TRIM72: variants seen among roughly 807,000 people sequenced by gnomAD.
TRIM72 encodes the protein tripartite motif-containing protein 72.
Under a neutral mutation model 31.6 loss-of-function variants are expected in TRIM72, and 33 were observed. The ratio of observed to expected loss-of-function variants is 1.04; its 90% CI spans 0.79 to 1.40. TRIM72 has a LOEUF of 1.40. Ranked by LOEUF, TRIM72 falls within the 40% of genes most tolerant of loss-of-function variation. The pLI, the probability that TRIM72 is intolerant of heterozygous loss-of-function variation, is 0.00. For synonymous variants in TRIM72, 301 were observed against 314.4 expected, an observed-to-expected ratio of 0.96 and a Z score of 0.45; for missense variants, 666 against 682.7, an observed-to-expected ratio of 0.98 and a Z score of 0.27.
Position 31,219,159 on chromosome 16 carries a change from C to T in TRIM72, c.455C>T (p.Ala152Val). The change falls in exon 3 of 7, where the codon GCT becomes GTT. Residue 152 changes from alanine to valine, a missense_variant. Coordinates refer to ENST00000322122, the MANE Select transcript of TRIM72 (RefSeq NM_001008274.4). The surrounding 1 kb of genome is among the most constrained non-coding windows in gnomAD (Gnocchi z 4.2). ...EACMRKEKSV[A>V]VLEHQLVEVE... Reference sequence around the variant, plus strand: ...TGCATGCGCAAGGAGAAGAGTGTGGCTGTGCTGGAGCATCAGCTGGTGGAG... The same window carrying T: ...TGCATGCGCAAGGAGAAGAGTGTGGTTGTGCTGGAGCATCAGCTGGTGGAG... 2 of 1,610,322 alleles carry T rather than the reference C, an allele frequency of 1.2e-6. No homozygotes were observed. The highest frequency in any genetic ancestry group is 1.7e-6 in the Non-Finnish European group (2 of 1,178,334).
At chr16:31,223,337 G>C (rs2079542049) in intron 6 of TRIM72, among the ~76,000 whole-genome samples, 1 of 152,196 alleles carries the variant, frequency 6.6e-6, no homozygotes, top group Non-Finnish European at 1.5e-5. Context: ...GGGTCAGAGA[G>C]TGACTCTGGC....
rs200154767 is a variant in TRIM72 at position 31,215,044 on chromosome 16, G to A, written c.306G>A (p.Ala102=). 45 of 1,503,146 alleles carry A rather than the reference G, an allele frequency of 3.0e-5. No homozygotes were observed. The Admixed American group carries it at 8.2e-4, about 27-fold the overall frequency. The allele number at this position is 1,503,146 out of a possible 1,614,324, so 93.1% of individuals were successfully genotyped here. A position where few individuals can be genotyped will look rare whatever the true frequency, so the allele number is the denominator to read the frequency against. Residue 102 remains alanine (A), a synonymous_variant, in exon 2 of 7, where the codon GCG becomes GCA. Transcript: ENST00000322122. The surrounding 1 kb of genome is among the most constrained non-coding windows in gnomAD (Gnocchi z 6.3). ...PLSIYCEQDR[A]LVCGVCASLG... ...GCATCTACTGCGAGCAGGACCGCGC[G>A]CTGGTGTGCGGAGTGTGCGCCTCAC... is the stretch of plus-strand genomic sequence containing the variant.
rs140681493 is a variant in TRIM72 at position 31,216,684 on chromosome 16, C to A, written c.390+1556C>A. 48 of 1,513,016 alleles carry A rather than the reference C, an allele frequency of 3.2e-5. No homozygotes were observed. Among genetic ancestry groups the A allele is most frequent in the African/African-American group, 4.1e-5 (3 of 73,218 alleles). 93.7% of individuals were successfully genotyped at this position (1,513,016 alleles called of 1,614,324 possible). A position where few individuals can be genotyped will look rare whatever the true frequency, so the allele number is the denominator to read the frequency against. On this transcript the variant is annotated intron_variant, in intron 2 of 6. Coordinates refer to ENST00000322122, the MANE Select transcript of TRIM72 (RefSeq NM_001008274.4). The surrounding 1 kb of genome is among the most constrained non-coding windows in gnomAD (Gnocchi z 6.7). ...AGGAGGGGAACAGGAAGGCTCTGGGCGGGACCTGACGCGTGGGTCCTTGGC... is the reference window on the plus strand; with the variant it reads ...AGGAGGGGAACAGGAAGGCTCTGGGAGGGACCTGACGCGTGGGTCCTTGGC...
chr16:31,222,188 T>C (rs970796466), intron 5 of TRIM72, among the ~76,000 whole-genome samples: 2 of 152,006 alleles, frequency 1.3e-5, no homozygotes, highest in African/African-American at 4.8e-5. Context: ...AGGTCAGCAG[T>C]TCGAGACTAG....
At chr16:31,217,597 T>C in intron 2 of TRIM72, among the ~76,000 whole-genome samples, 1 of 151,570 alleles carries the variant, frequency 6.6e-6, no homozygotes. Flanking sequence ...CACAGAATGG[T>C]TGGTCTGTGC....
chr16:31,222,820 C>T lies in TRIM72; in HGVS notation c.741-7C>T, dbSNP rs750271106. The T allele has an allele frequency of 1.6e-6, 2 of 1,241,446 alleles. No individual in the cohort carries two copies. The highest frequency in any genetic ancestry group is 1.4e-5 in the South Asian group (1 of 69,266). 76.9% of individuals were successfully genotyped at this position (1,241,446 alleles called of 1,614,324 possible). A position where few individuals can be genotyped will look rare whatever the true frequency, so the allele number is the denominator to read the frequency against. ...CACATGCCTCCCCTTCCCCTCCCCA[C>T]CCCCAGGCTGCAGAAGATCCTGGCA... On this transcript the variant is annotated splice_region_variant and splice_polypyrimidine_tract_variant and intron_variant, in intron 5 of 6. Coordinates refer to ENST00000322122, the MANE Select transcript of TRIM72 (RefSeq NM_001008274.4).
Position 31,230,124 on chromosome 16 carries a change from T to A in TRIM72, c.*5369T>A, listed in dbSNP as rs1422163929. ...AAGAATGTGTAAGCAAAAACTCAGT[T>A]GTATGTAAGAAAACCCCATTCACCC... On this transcript the variant is annotated 3_prime_UTR_variant, in exon 7 of 7. Transcript: ENST00000322122. 1.3e-5 allele frequency: 2 copies of A among 152,038 alleles called. No individual in the cohort carries two copies. Among genetic ancestry groups the A allele is most frequent in the African/African-American group, 4.8e-5 (2 of 41,412 alleles). The allele number at this position is 152,038 out of a possible 1,614,324, so 9.4% of individuals were successfully genotyped here. A position where few individuals can be genotyped will look rare whatever the true frequency, so the allele number is the denominator to read the frequency against.
chr16:31,216,644 C>T lies in TRIM72; in HGVS notation c.390+1516C>T. The T allele has an allele frequency of 7.6e-7, 1 of 1,320,382 alleles. No homozygotes were observed. The highest frequency in any genetic ancestry group is 1.0e-6 in the Non-Finnish European group (1 of 962,978). 81.8% of individuals were successfully genotyped at this position (1,320,382 alleles called of 1,614,324 possible). On this transcript the variant is annotated intron_variant, in intron 2 of 6. Transcript: ENST00000322122. The surrounding 1 kb of genome is among the most constrained non-coding windows in gnomAD (Gnocchi z 6.7). ...TGGCCGGAGGTCTGAGGGAGGACCC[C>T]AGGAGGGACCCTGAAGGAGGGGAAC...
rs2079551484 is a variant in TRIM72 at position 31,225,219 on chromosome 16, A to G, written c.*464A>G. 1 of 148,808 alleles carries G rather than the reference A, an allele frequency of 6.7e-6. No individual in the cohort carries two copies. The highest frequency in any genetic ancestry group is 2.5e-5 in the African/African-American group (1 of 40,390). The allele number at this position is 148,808 out of a possible 1,614,324, so 9.2% of individuals were successfully genotyped here. On this transcript the variant is annotated 3_prime_UTR_variant, in exon 7 of 7. Transcript: ENST00000322122. ...AAAAAAAAAAAGTGTGGGGGTTGGC[A>G]TGGCCTGGGGACTGCTGGTGAGGGG...
Position 31,216,850 on chromosome 16 carries a change from T to TA in TRIM72, c.390+1723dup. 6.2e-7 allele frequency: 1 copy of TA among 1,613,790 alleles called. No homozygotes were observed. The highest frequency in any genetic ancestry group is 8.5e-7 in the Non-Finnish European group (1 of 1,179,958). ...GAGCTCGGCTGCGTAGTCCTCGTAG[T>TA]AGGAGGCGACCAGCTTGTCGGTGAG... is the stretch of plus-strand genomic sequence containing the variant. On this transcript the variant is annotated intron_variant, in intron 2 of 6. Transcript: ENST00000322122. The surrounding 1 kb of genome is among the most constrained non-coding windows in gnomAD (Gnocchi z 6.7).
In TRIM72 at chr16:31,224,677, C is replaced by T. The variant is rs1301493787; in HGVS notation, c.1356C>T (p.Phe452=). The part of the protein sequence containing the change: ...HERLPRPVYP[F]FDVCWHDKGK... ...GCCTGCCCAGGCCCGTGTACCCCTT[C>T]TTCGACGTGTGCTGGCACGACAAGG... is the stretch of plus-strand genomic sequence containing the variant. Residue 452 remains phenylalanine (F), a synonymous_variant, in exon 7 of 7, where the codon TTC becomes TTT. Transcript: ENST00000322122. The T allele has an allele frequency of 6.4e-7, 1 of 1,550,514 alleles. No individual in the cohort carries two copies. Among genetic ancestry groups the T allele is most frequent in the East Asian group, 2.4e-5 (1 of 41,490 alleles).
Position 31,214,238 on chromosome 16 carries a change from G to A in TRIM72, c.-67G>A, listed in dbSNP as rs2079495912. ...CCAGCCCTGACCCCAGTCCAGCTAA[G>A]CTCAACCCTGACCGGTCCTCCTTCG... On this transcript the variant is annotated 5_prime_UTR_variant, in exon 1 of 7. Transcript: ENST00000322122. 1 of 153,922 alleles carries A rather than the reference G, an allele frequency of 6.5e-6. No homozygotes were observed. Among genetic ancestry groups the A allele is most frequent in the Admixed American group, 6.5e-5 (1 of 15,300 alleles). The allele number at this position is 153,922 out of a possible 1,614,324, so 9.5% of individuals were successfully genotyped here.
rs562867534 is a variant in TRIM72 at position 31,222,896 on chromosome 16, T to G, written c.810T>G (p.Asp270Glu). 1 of 1,536,554 alleles carries G rather than the reference T, an allele frequency of 6.5e-7. No homozygotes were observed. The highest frequency in any genetic ancestry group is 1.2e-5 in the South Asian group (1 of 83,756). The change falls in exon 6 of 7, where the codon GAT (aspartate) becomes GAG (glutamate). Residue 270 changes from aspartate to glutamate, a missense_variant. Transcript: ENST00000322122. ...ACATCCAGCTGCCAATTATCTCAGATGACTTCAAATTCCAGGTGTGGAGGA... is the reference window on the plus strand; with the variant it reads ...ACATCCAGCTGCCAATTATCTCAGAGGACTTCAAATTCCAGGTGTGGAGGA... ...RLDIQLPIIS[D>E]DFKFQVWRKM... is the part of the protein sequence containing the mutation.
At position 31,225,395 on chromosome 16, in the gene TRIM72, G is replaced by A. The variant is rs1027777258; in HGVS notation, c.*640G>A. On this transcript the variant is annotated 3_prime_UTR_variant, in exon 7 of 7. Transcript: ENST00000322122. Reference sequence around the variant, plus strand: ...AGGGACAGGGCCAGGTTGGGGGATTGATGGGAGGAGCTTGAGAACCTGTAG... The same window carrying A: ...AGGGACAGGGCCAGGTTGGGGGATTAATGGGAGGAGCTTGAGAACCTGTAG... 5 of 151,656 alleles carry A rather than the reference G, an allele frequency of 3.3e-5. No homozygotes were observed. The highest frequency in any genetic ancestry group is 1.2e-4 in the African/African-American group (5 of 41,248). The allele number at this position is 151,656 out of a possible 1,614,324, so 9.4% of individuals were successfully genotyped here.
Position 31,216,838 on chromosome 16 carries a change from T to C in TRIM72, c.390+1710T>C. On this transcript the variant is annotated intron_variant, in intron 2 of 6. Transcript: ENST00000322122. The surrounding 1 kb of genome is among the most constrained non-coding windows in gnomAD (Gnocchi z 6.7). Reference sequence around the variant, plus strand: ...CACGGCCACGACGAGCTCGGCTGCGTAGTCCTCGTAGTAGGAGGCGACCAG... The same window carrying C: ...CACGGCCACGACGAGCTCGGCTGCGCAGTCCTCGTAGTAGGAGGCGACCAG... 1 of 1,613,688 alleles carries C rather than the reference T, an allele frequency of 6.2e-7. No individual in the cohort carries two copies. Among genetic ancestry groups the C allele is most frequent in the Non-Finnish European group, 8.5e-7 (1 of 1,179,950 alleles).
rs754765294 is a variant in TRIM72, at chr16:31,216,987, G to A, written c.390+1859G>A. On this transcript the variant is annotated intron_variant, in intron 2 of 6. Coordinates refer to ENST00000322122, the MANE Select transcript of TRIM72 (RefSeq NM_001008274.4). This position sits in a 1 kb window ranked among gnomAD's most constrained non-coding sequence, Gnocchi z 6.7. ...ACTTCTTGAGCTCCTCCGGTGTCAGGTTCTCCAGCACCTTCAGGATGGCCT... is the reference window on the plus strand; with the variant it reads ...ACTTCTTGAGCTCCTCCGGTGTCAGATTCTCCAGCACCTTCAGGATGGCCT... 6.2e-7 allele frequency: 1 copy of A among 1,614,084 alleles called. No homozygotes were observed. Among genetic ancestry groups the A allele is most frequent in the South Asian group, 1.1e-5 (1 of 91,076 alleles).
chr16:31,228,665 A>T lies in TRIM72; in HGVS notation c.*3910A>T, dbSNP rs907565057. ...CAGCTCACTGCAACCTCTGCCTCCC[A>T]GGTTCAAGTGATTCTCCTGCCTCAG... On this transcript the variant is annotated 3_prime_UTR_variant, in exon 7 of 7. Coordinates refer to ENST00000322122, the MANE Select transcript of TRIM72 (RefSeq NM_001008274.4). The T allele has an allele frequency of 6.9e-6, 1 of 145,428 alleles. No individual in the cohort carries two copies. The highest frequency in any genetic ancestry group is 7.3e-5 in the Admixed American group (1 of 13,660). 9.0% of individuals were successfully genotyped at this position (145,428 alleles called of 1,614,324 possible).
intron 5 of TRIM72, 69 bp downstream of exon 5, chr16:31,220,987 C>T (rs1383302043): frequency 2.5e-6 from 4 of 1,592,386 alleles, no homozygotes; most frequent in Admixed American, 1.7e-5. Flanking sequence ...AGCCGGCTCA[C>T]TCTCCACTCA....
chr16:31,223,553 C>G lies in TRIM72; in HGVS notation c.859+608C>G, dbSNP rs2079542703. ...CTGATGTGAAGATCAGGCTCCTTGA[C>G]CTTGGGCCTTGGGCCTTGTCTGGGC... On this transcript the variant is annotated intron_variant, in intron 6 of 6. Coordinates refer to ENST00000322122, the MANE Select transcript of TRIM72 (RefSeq NM_001008274.4). Among the ~76,000 whole-genome samples, 3 of 152,270 alleles carry G rather than the reference C, an allele frequency of 2.0e-5. No individual in the cohort carries two copies. The South Asian group carries it at 6.2e-4, about 32-fold the overall frequency.
Sources: gnomAD v4.1 joint callset for allele counts (sites outside exome capture counted in the v4.1 genomes callset) on GRCh38, gnomAD v4.1.1 for gene constraint, Gnocchi (gnomAD v3.1) non-coding constraint, MANE v1.5 for transcripts, NCBI Gene and HGNC (gene_info 2026-07-23, HGNC 2026-07-21) for gene names.